The following AGBL4 variants were observed in gnomAD, a reference collection of about 807,000 sequenced individuals.
AGBL4 encodes AGBL carboxypeptidase 4, also known as cytosolic carboxypeptidase 6.
AGBL4 carries 58 observed loss-of-function variants against 66.4 expected under a neutral mutation model. The observed-to-expected ratio is 0.87, with a 90% CI of 0.71 to 1.09. AGBL4 has a LOEUF of 1.09. AGBL4 is among the 50% of genes least tolerant of loss of function. AGBL4 has a pLI of 0.00. For synonymous variants in AGBL4, 234 were observed against 222.9 expected (o/e 1.05, Z -0.44); for missense variants, 579 against 631.0 (o/e 0.92, Z 0.88).
At chr1:49,127,294 G>A (rs1645784956) in intron 4 of AGBL4, among the ~76,000 whole-genome samples, 1 of 152,116 alleles carries the variant, frequency 6.6e-6, no homozygotes, top group South Asian at 2.1e-4. Context: ...GGAAAGGATG[G>A]GAAGCGAGTG....
intron 2 of AGBL4, among the ~76,000 whole-genome samples, chr1:49,750,759 G>A (rs1209998237): frequency 2.0e-5 from 3 of 151,916 alleles, no homozygotes; most frequent in Non-Finnish European, 4.4e-5. Context: ...TCCTCTCTTA[G>A]TTCCTTGAGG....
At chr1:49,528,747 A>T (rs539967046) in intron 3 of AGBL4, among the ~76,000 whole-genome samples, 63 of 152,168 alleles carry the variant, frequency 4.1e-4, no homozygotes, top group Non-Finnish European at 6.0e-4. Flanking sequence ...AAAAATTTTT[A>T]AAAAAATTAG....
chr1:48,571,479 T>C (rs998629849), intron 11 of AGBL4, among the ~76,000 whole-genome samples: 3 of 152,248 alleles, frequency 2.0e-5, no homozygotes, highest in Non-Finnish European at 4.4e-5. Context: ...CACTGTGTTT[T>C]GGGACTGTGC....
At chr1:49,963,586 G>A (rs1657297366) in intron 1 of AGBL4, among the ~76,000 whole-genome samples, 1 of 152,064 alleles carries the variant, frequency 6.6e-6, no homozygotes, top group Non-Finnish European at 1.5e-5. Context: ...CCAAAGTCAG[G>A]GCAAAGGCTT....
intron 6 of AGBL4, among the ~76,000 whole-genome samples, chr1:48,675,507 A>G (rs1646350703): frequency 6.6e-6 from 1 of 152,270 alleles, no homozygotes; most frequent in African/African-American, 2.4e-5. Context: ...TGTCAAAAAG[A>G]TATGAAATCT....
chr1:48,980,852 T>C (rs761411034), intron 5 of AGBL4, among the ~76,000 whole-genome samples: 7 of 150,414 alleles, frequency 4.7e-5, no homozygotes, highest in Non-Finnish European at 8.9e-5. Flanking sequence ...TAATATAATA[T>C]CTGAGCCCTC....
intron 3 of AGBL4, among the ~76,000 whole-genome samples, chr1:49,636,385 A>G (rs543055734): frequency 6.6e-6 from 1 of 152,158 alleles, no homozygotes; most frequent in Non-Finnish European, 1.5e-5. Flanking sequence ...CACTAATCTC[A>G]TTCATGAAGG....
chr1:48,633,553 T>G (rs1383822156), intron 9 of AGBL4, among the ~76,000 whole-genome samples: 2 of 152,190 alleles, frequency 1.3e-5, no homozygotes, highest in Non-Finnish European at 2.9e-5. Context: ...GACTAAAAGT[T>G]GAACACTTTT....
chr1:48,911,619 CAAAA>C (rs746193402), intron 5 of AGBL4, among the ~76,000 whole-genome samples: 1 of 70,288 alleles, frequency 1.4e-5, no homozygotes. Context: ...AACTCCGTCT[CAAAA>C]AAAAAAAAAA....
At chr1:49,961,263 C>A (rs553917855) in intron 1 of AGBL4, among the ~76,000 whole-genome samples, 1 of 152,180 alleles carries the variant, frequency 6.6e-6, no homozygotes, top group Admixed American at 6.6e-5. Flanking sequence ...ATTCCCAGCA[C>A]TTTGGGAGGC....
chr1:49,453,217 C>A (rs1646317340), intron 3 of AGBL4, among the ~76,000 whole-genome samples: 1 of 151,852 alleles, frequency 6.6e-6, no homozygotes, highest in Non-Finnish European at 1.5e-5. Context: ...TTAACAAATT[C>A]TTTAAGATCT....
At chr1:49,968,606 T>C (rs1049725250) in intron 1 of AGBL4, among the ~76,000 whole-genome samples, 1 of 152,202 alleles carries the variant, frequency 6.6e-6, no homozygotes, top group Non-Finnish European at 1.5e-5. Flanking sequence ...TTTCCCAGCC[T>C]CTACTGCAGC....
chr1:49,523,145 T>C lies in AGBL4; in HGVS notation c.282+174168A>G, dbSNP rs114678359. Among the ~76,000 whole-genome samples, 1,307 of 152,186 alleles carry C rather than the reference T, an allele frequency of 8.6e-3. 9 individuals are homozygous for C. Among genetic ancestry groups the C allele is most frequent in the Non-Finnish European group, 0.014 (972 of 67,984 alleles). On this transcript the variant is annotated intron_variant, in intron 3 of 13. Coordinates refer to ENST00000371839, the MANE Select transcript of AGBL4 (RefSeq NM_032785.4). Reference sequence around the variant, plus strand: ...TTCCATTAACTCCTGAGATCTGGGATTCAGCTATATTTTCATACGAATCAA... The same window carrying C: ...TTCCATTAACTCCTGAGATCTGGGACTCAGCTATATTTTCATACGAATCAA...
chr1:48,611,250 G>A (rs765336237), intron 9 of AGBL4, among the ~76,000 whole-genome samples: 1 of 152,250 alleles, frequency 6.6e-6, no homozygotes, highest in Non-Finnish European at 1.5e-5. Flanking sequence ...TGAAGGGTGG[G>A]AGAGAAAGGT....
intron 2 of AGBL4, chr1:49,842,179 T>C: frequency 2.4e-6 from 1 of 418,492 alleles, no homozygotes; most frequent in East Asian, 6.0e-5. Flanking sequence ...ATGTGACCTT[T>C]GAGGACATGG....
Position 49,238,714 on chromosome 1 carries a change from G to A in AGBL4, c.377+7056C>T, listed in dbSNP as rs117731024. Among the ~76,000 whole-genome samples, 101 of 152,290 alleles carry A rather than the reference G, an allele frequency of 6.6e-4. 2 individuals are homozygous for A. In the East Asian group the frequency reaches 0.015, roughly 22 times the overall value. ...TTCCCCATTGTGTTTGGCTGGAGTA[G>A]GTGATCATTGTCTCACAATAATCTC... On this transcript the variant is annotated intron_variant, in intron 4 of 13. Coordinates refer to ENST00000371839, the MANE Select transcript of AGBL4 (RefSeq NM_032785.4).
chr1:49,496,719 G>C (rs986304287), intron 3 of AGBL4, among the ~76,000 whole-genome samples: 1 of 151,908 alleles, frequency 6.6e-6, no homozygotes, highest in East Asian at 1.9e-4. Context: ...TTTTAAGGCT[G>C]AATAGTATTC....
intron 3 of AGBL4, among the ~76,000 whole-genome samples, chr1:49,474,691 A>G (rs1646812331): frequency 6.6e-6 from 1 of 151,918 alleles, no homozygotes; most frequent in African/African-American, 2.4e-5. Flanking sequence ...CTCTAGGGAT[A>G]TTTGGCAGAA....
intron 1 of AGBL4, among the ~76,000 whole-genome samples, chr1:49,899,393 T>G (rs868346223): frequency 3.9e-5 from 6 of 152,110 alleles, no homozygotes; most frequent in Non-Finnish European, 7.4e-5. Flanking sequence ...AACTGAATTG[T>G]TTATAACACA....
Sources: allele counts gnomAD v4.1 joint callset (sites outside exome capture counted in the v4.1 genomes callset), GRCh38; gene constraint gnomAD v4.1.1; transcripts MANE v1.5; gene names NCBI Gene and HGNC (gene_info 2026-07-23, HGNC 2026-07-21).